The following UTRN variants were observed in gnomAD, a reference collection of about 807,000 sequenced individuals.
The protein encoded by UTRN is utrophin.
A neutral mutation model predicts 463.9 loss-of-function variants in UTRN; 283 were observed. The observed-to-expected ratio is 0.61, with a 90% CI of 0.55 to 0.67. UTRN has a LOEUF of 0.67. Among genes scored for constraint, UTRN ranks in the 30% least tolerant of loss-of-function variants. UTRN has a pLI of 0.00. For synonymous variants in UTRN, 1,442 were observed against 1,431.5 expected (o/e 1.01, Z -0.17); for missense variants, 3,922 against 4,084.3 (o/e 0.96, Z 1.08).
chr6:144,529,293 G>T (rs898149033), intron 41 of UTRN, among the ~76,000 whole-genome samples: 1 of 152,134 alleles, frequency 6.6e-6, no homozygotes, highest in Non-Finnish European at 1.5e-5. Context: ...CCAGTTCCTC[G>T]GCTCTCCCAT....
chr6:144,464,446 A>G (rs1315120238), intron 23 of UTRN, among the ~76,000 whole-genome samples: 1 of 151,928 alleles, frequency 6.6e-6, no homozygotes, highest in Non-Finnish European at 1.5e-5. Context: ...TCATTCAAAT[A>G]AACCAGTAAT....
intron 53 of UTRN, among the ~76,000 whole-genome samples, chr6:144,712,305 T>G (rs149357537): frequency 7.2e-4 from 110 of 152,294 alleles, no homozygotes; most frequent in Middle Eastern, 6.8e-3. Context: ...GCACCTGGAC[T>G]TGTCTCCTAA....
In UTRN at chr6:144,800,987, TAGAG is replaced by T. The variant is rs574929346; in HGVS notation, c.9246-2046_9246-2043del. ...TTGAATCAGAAGTCATTGGGAATCT[TAGAG>T]AGGATTCTATCCGTGTCGTTATAAA... On this transcript the variant is annotated intron_variant, in intron 64 of 74. Transcript: ENST00000367545. Among the ~76,000 whole-genome samples the T allele has an allele frequency of 1.5e-4, 23 of 152,254 alleles. 1 individual carries two copies. In the South Asian group the frequency reaches 2.9e-3, roughly 19 times the overall value.
intron 53 of UTRN, among the ~76,000 whole-genome samples, chr6:144,715,693 T>TTCC (rs1786341095): frequency 7.6e-6 from 1 of 131,022 alleles, no homozygotes; most frequent in African/African-American, 3.4e-5. Context: ...CTCTCTCTCT[T>TTCC]CCCCCCCCAC....
intron 46 of UTRN, among the ~76,000 whole-genome samples, chr6:144,547,706 A>G (rs1270006805): frequency 3.3e-5 from 5 of 152,190 alleles, no homozygotes; most frequent in Non-Finnish European, 7.3e-5. Context: ...TCAGTCTATA[A>G]TATACTGAGT....
At position 144,479,916 on chromosome 6, in the gene UTRN, A is replaced by G. The variant is rs1388826315; in HGVS notation, c.3441A>G (p.Glu1147=). Reference sequence around the variant, plus strand: ...AATGGATGACCCAGGCCGAGGAAGAATATTTGGAGCGGGATTTTGAGTACA... The same window carrying G: ...AATGGATGACCCAGGCCGAGGAAGAGTATTTGGAGCGGGATTTTGAGTACA... ...MQEWMTQAEE[E]YLERDFEYKS... Residue 1147 remains glutamate, a synonymous_variant, in exon 26 of 75, where the codon GAA becomes GAG. Coordinates refer to ENST00000367545, the MANE Select transcript of UTRN (RefSeq NM_007124.3). The G allele has an allele frequency of 8.1e-6, 13 of 1,614,046 alleles. No individual in the cohort carries two copies. In the Admixed American group the frequency reaches 2.2e-4, roughly 27 times the overall value.
In UTRN at chr6:144,447,369, T is replaced by A. The variant is rs79570467; in HGVS notation, c.1722+51T>A. On this transcript the variant is annotated intron_variant, in intron 15 of 74. Coordinates refer to ENST00000367545, the MANE Select transcript of UTRN (RefSeq NM_007124.3). ...GTGTTGTAAGCCTATGATATCTTAA[T>A]GTTTTATAGCTAATGGTTAGTAGAA... 4.1e-3 allele frequency: 6,312 copies of A among 1,549,636 alleles called. 157 individuals carry two copies. In the East Asian group the frequency reaches 0.069, roughly 17 times the overall value.
intron 2 of UTRN, among the ~76,000 whole-genome samples, chr6:144,355,898 T>C (rs964546445): frequency 6.6e-6 from 1 of 152,248 alleles, no homozygotes; most frequent in Non-Finnish European, 1.5e-5. Context: ...GAAATAATAT[T>C]TAGAACATAC....
intron 2 of UTRN, among the ~76,000 whole-genome samples, chr6:144,384,223 C>T (rs1781200228): frequency 6.6e-6 from 1 of 152,168 alleles, no homozygotes; most frequent in African/African-American, 2.4e-5. Flanking sequence ...CCCTGGGCCA[C>T]AGGTCGCTAC....
At chr6:144,368,062 G>A (rs1779661739) in intron 2 of UTRN, among the ~76,000 whole-genome samples, 1 of 152,116 alleles carries the variant, frequency 6.6e-6, no homozygotes, top group Non-Finnish European at 1.5e-5. Flanking sequence ...TTACAGCCGT[G>A]AGCCACTGCA....
intron 51 of UTRN, among the ~76,000 whole-genome samples, chr6:144,608,094 A>G (rs772960794): frequency 1.3e-5 from 2 of 152,180 alleles, no homozygotes; most frequent in Non-Finnish European, 2.9e-5. Context: ...TAGATGTTTT[A>G]TGCAGTTATT....
chr6:144,833,963 C>G (rs553476440), intron 69 of UTRN, among the ~76,000 whole-genome samples: 2 of 152,178 alleles, frequency 1.3e-5, no homozygotes, highest in African/African-American at 2.4e-5. Flanking sequence ...AAATGCTGCT[C>G]TCTGCAGTGG....
At chr6:144,630,636 G>A (rs1236601833) in intron 51 of UTRN, among the ~76,000 whole-genome samples, 4 of 152,166 alleles carry the variant, frequency 2.6e-5, no homozygotes, top group African/African-American at 9.7e-5. Flanking sequence ...TTTGGATGGG[G>A]ACACAGAGCC....
chr6:144,616,641 C>CT (rs1431925731), intron 51 of UTRN, among the ~76,000 whole-genome samples: 2 of 151,494 alleles, frequency 1.3e-5, no homozygotes, highest in African/African-American at 4.9e-5. Context: ...TAGCCTTTTA[C>CT]TTTGATTTTT....
At chr6:144,353,999 T>C (rs1427415915) in intron 2 of UTRN, among the ~76,000 whole-genome samples, 1 of 152,198 alleles carries the variant, frequency 6.6e-6, no homozygotes, top group Admixed American at 6.5e-5. Context: ...GGTTTTAAAC[T>C]TAAGGATTCT....
At position 144,490,214 on chromosome 6, in the gene UTRN, G is replaced by A. The variant is rs1357044982; in HGVS notation, c.4263+15G>A. The A allele has an allele frequency of 1.3e-6, 2 of 1,581,772 alleles. No homozygotes were observed. The highest frequency in any genetic ancestry group is 2.3e-5 in the South Asian group (2 of 85,800). On this transcript the variant is annotated intron_variant, in intron 31 of 74. Coordinates refer to ENST00000367545, the MANE Select transcript of UTRN (RefSeq NM_007124.3). ...ATGTGCTACAGGTAAAGAAGGCCAG[G>A]AGCTTCCTTTTACTTTTCAACTTGT...
At position 144,608,067 on chromosome 6, in the gene UTRN, C is replaced by T. The variant is rs537052112; in HGVS notation, c.7479+30779C>T. 3.9e-5 allele frequency among the ~76,000 whole-genome samples: 6 copies of T among 152,162 alleles called. No individual in the cohort carries two copies. The South Asian group carries it at 6.2e-4, about 16-fold the overall frequency. On this transcript the variant is annotated intron_variant, in intron 51 of 74. Transcript: ENST00000367545. ...GTTAACTTGGTTAGGCCATGGTATC[C>T]GGATTTTTGTTCAAACTAGATGTTT...
chr6:144,381,737 C>T (rs1482137490), intron 2 of UTRN, among the ~76,000 whole-genome samples: 3 of 152,212 alleles, frequency 2.0e-5, no homozygotes, highest in Non-Finnish European at 2.9e-5. Context: ...CTTGCTCCTC[C>T]TTGCCTTCCA....
intron 51 of UTRN, among the ~76,000 whole-genome samples, chr6:144,652,847 T>G (rs1778955669): frequency 1.3e-5 from 2 of 152,202 alleles, no homozygotes; most frequent in South Asian, 4.1e-4. Context: ...TGAGGGCTGG[T>G]TTGGTAGTGT....
Sources: allele counts gnomAD v4.1 joint callset (sites outside exome capture counted in the v4.1 genomes callset), GRCh38; gene constraint gnomAD v4.1.1; transcripts MANE v1.5; gene names NCBI Gene and HGNC (gene_info 2026-07-23, HGNC 2026-07-21).